Variants in GUCY2C observed in about 807,000 individuals in gnomAD.
The protein encoded by GUCY2C is guanylyl cyclase C.
A neutral mutation model predicts 131.1 loss-of-function variants in GUCY2C; 118 were observed. The ratio of observed to expected loss-of-function variants is 0.90; its 90% CI spans 0.78 to 1.05. The LOEUF (loss-of-function observed/expected upper bound fraction) is 1.05, where lower values mean the gene tolerates loss of function less well. Among genes scored for constraint, GUCY2C ranks in the 50% least tolerant of loss-of-function variants. The pLI, the probability that GUCY2C is intolerant of heterozygous loss-of-function variation, is 0.00. For missense variants in GUCY2C, 1,161 were observed against 1,304.4 expected (o/e 0.89, Z 1.69); for synonymous variants, 452 against 457.8 (o/e 0.99, Z 0.16).
chr12:14,674,726 C>A lies in GUCY2C; in HGVS notation c.983G>T (p.Gly328Val). ...KRDFALAYLN[G>V]ILLFGHMLKI... is the part of the protein sequence containing the mutation. Reference sequence around the variant, plus strand: ...CAGCATATGTCCAAAGAGCAGGATTCCATTCAAATAGGCAAGAGCAAAGTC... The same window carrying A: ...CAGCATATGTCCAAAGAGCAGGATTACATTCAAATAGGCAAGAGCAAAGTC... The change falls in exon 8 of 27, where the codon GGA becomes GTA. Residue 328 changes from glycine (G) to valine (V), a missense_variant. Gly to Val is a moderately radical substitution (Grantham distance 109). Coordinates refer to ENST00000261170, the MANE Select transcript of GUCY2C (RefSeq NM_004963.4). The A allele has an allele frequency of 6.2e-7, 1 of 1,611,386 alleles. No homozygotes were observed. The highest frequency in any genetic ancestry group is 8.5e-7 in the Non-Finnish European group (1 of 1,178,048).
chr12:14,625,783 G>C lies in GUCY2C; in HGVS notation c.2382C>G (p.Asp794Glu). The C allele has an allele frequency of 6.2e-7, 1 of 1,614,068 alleles. No homozygotes were observed. Among genetic ancestry groups the C allele is most frequent in the Non-Finnish European group, 8.5e-7 (1 of 1,179,926 alleles). The stretch of plus-strand genomic sequence containing the variant: ...TTGGAAGCAACATAAAGTTAAGTCT[G>C]TCAGCCCTGTCCCTCTCTGCCTTGT... ...QLYKAERDRA[D>E]RLNFMLLPRL... The change falls in exon 21 of 27, where the codon GAC becomes GAG. Residue 794 changes from aspartate (D) to glutamate (E), a missense_variant. Physicochemically the swap from Asp to Glu is conservative, Grantham distance 45 (BLOSUM62 2). Coordinates refer to ENST00000261170, the MANE Select transcript of GUCY2C (RefSeq NM_004963.4).
At chr12:14,629,208 A>G (rs1338671253) in intron 19 of GUCY2C, among the ~76,000 whole-genome samples, 1 of 152,174 alleles carries the variant, frequency 6.6e-6, no homozygotes. Context: ...ACATGACAAA[A>G]TAACGAAGGA....
In GUCY2C at chr12:14,612,899, C is replaced by T. The variant is rs1375091447; in HGVS notation, c.*218G>A. Reference sequence around the variant, plus strand: ...TCCAGGTAGAAGCTCCCTGGAACAACTGCTGGAATAAGGTTCCAGAGTGGA... The same window carrying T: ...TCCAGGTAGAAGCTCCCTGGAACAATTGCTGGAATAAGGTTCCAGAGTGGA... On this transcript the variant is annotated 3_prime_UTR_variant, in exon 27 of 27. Transcript: ENST00000261170. 2.2e-6 allele frequency: 1 copy of T among 457,726 alleles called. No individual in the cohort carries two copies. The highest frequency in any genetic ancestry group is 5.5e-5 in the South Asian group (1 of 18,268). 28.4% of individuals were successfully genotyped at this position (457,726 alleles called of 1,614,324 possible). A position where few individuals can be genotyped will look rare whatever the true frequency, so the allele number is the denominator to read the frequency against.
chr12:14,655,472 T>C (rs1017981910), intron 12 of GUCY2C, among the ~76,000 whole-genome samples: 1 of 152,130 alleles, frequency 6.6e-6, no homozygotes. Flanking sequence ...CATGAGGGGA[T>C]TGGAGCCATT....
intron 21 of GUCY2C, among the ~76,000 whole-genome samples, chr12:14,623,487 GACATGCC>G (rs1946937619): frequency 1.3e-5 from 2 of 152,228 alleles, no homozygotes; most frequent in African/African-American, 4.8e-5. Flanking sequence ...GGTTGTTCTT[GACATGCC>G]CTGTATAAAG....
In GUCY2C at chr12:14,656,515, G is replaced by A; in HGVS notation, c.1467C>T (p.Leu489=). 3.3e-6 allele frequency: 5 copies of A among 1,530,974 alleles called. No individual in the cohort carries two copies. Among genetic ancestry groups the A allele is most frequent in the Non-Finnish European group, 4.5e-6 (5 of 1,105,078 alleles). 94.8% of individuals were successfully genotyped at this position (1,530,974 alleles called of 1,614,324 possible). A position where few individuals can be genotyped will look rare whatever the true frequency, so the allele number is the denominator to read the frequency against. Residue 489 remains leucine, a synonymous_variant, in exon 12 of 27, where the codon CTC becomes CTT. Transcript: ENST00000261170. ...CAACAGGTAAGGTAGGCTTTACCTTGAGGCTAACATGATTGGTCTCATTGG... is the reference window on the plus strand; with the variant it reads ...CAACAGGTAAGGTAGGCTTTACCTTAAGGCTAACATGATTGGTCTCATTGG... The part of the protein sequence containing the change: ...LETNETNHVS[L]KIDDDKRRDT...
rs763419475 is a variant in GUCY2C, at chr12:14,619,283, T to G, written c.2803A>C (p.Ile935Leu). The G allele has an allele frequency of 6.2e-7, 1 of 1,612,150 alleles. No homozygotes were observed. The highest frequency in any genetic ancestry group is 8.5e-7 in the Non-Finnish European group (1 of 1,178,266). ...SGPCAAGVVG[I>L]KMPRYCLFGD... ...AATAGACAATAACGAGGCATCTTGA[T>G]TCCCACAACTCCAGCAGCACAGGGA... Residue 935 changes from isoleucine (I) to leucine (L), a missense_variant, in exon 24 of 27, where the codon ATC becomes CTC. Ile to Leu is a conservative substitution (Grantham distance 5). Coordinates refer to ENST00000261170, the MANE Select transcript of GUCY2C (RefSeq NM_004963.4).
At chr12:14,651,349 A>G (rs1181286658) in intron 15 of GUCY2C, 58 bp downstream of exon 15, 1 of 855,694 alleles carries the variant, frequency 1.2e-6, no homozygotes, top group Non-Finnish European at 2.0e-6. Context: ...AATATTTTAA[A>G]AGGCCTGCTG....
At chr12:14,623,626 C>A (rs1202482839) in intron 21 of GUCY2C, among the ~76,000 whole-genome samples, 1 of 152,194 alleles carries the variant, frequency 6.6e-6, no homozygotes, top group East Asian at 1.9e-4. Flanking sequence ...GGTTTGGCTC[C>A]GTGTCCCCAC....
At chr12:14,670,524 G>A (rs544847936) in intron 9 of GUCY2C, among the ~76,000 whole-genome samples, 148 of 152,140 alleles carry the variant, frequency 9.7e-4, no homozygotes, top group South Asian at 4.1e-4. Flanking sequence ...GACTGATATG[G>A]TTTGGCTGTG....
rs1367649981 is a variant in GUCY2C, at chr12:14,639,852, A to G, written c.2157+10T>C. On this transcript the variant is annotated intron_variant, in intron 19 of 26. Coordinates refer to ENST00000261170, the MANE Select transcript of GUCY2C (RefSeq NM_004963.4). Reference sequence around the variant, plus strand: ...AGGCCAAGGAAATGAATACGGGAAGATATACTCACTTCTAGCTCTTTTTCC... The same window carrying G: ...AGGCCAAGGAAATGAATACGGGAAGGTATACTCACTTCTAGCTCTTTTTCC... 4 of 1,478,266 alleles carry G rather than the reference A, an allele frequency of 2.7e-6. No individual in the cohort carries two copies. Among genetic ancestry groups the G allele is most frequent in the African/African-American group, 1.4e-5 (1 of 72,244 alleles). 91.6% of individuals were successfully genotyped at this position (1,478,266 alleles called of 1,614,324 possible).
At chr12:14,618,798 C>T (rs1158943442) in intron 24 of GUCY2C, among the ~76,000 whole-genome samples, 2 of 151,952 alleles carry the variant, frequency 1.3e-5, no homozygotes, top group African/African-American at 4.8e-5. Context: ...GAGAGCCTGT[C>T]TCTAAAAAAC....
intron 21 of GUCY2C, among the ~76,000 whole-genome samples, chr12:14,624,336 G>A (rs961017452): frequency 9.9e-5 from 15 of 152,152 alleles, no homozygotes; most frequent in Admixed American, 7.2e-4. Flanking sequence ...AGCTACTTGG[G>A]AGGCTGAGGC....
chr12:14,678,586 G>A (rs192082712), intron 6 of GUCY2C, among the ~76,000 whole-genome samples: 96 of 152,276 alleles, frequency 6.3e-4, no homozygotes, highest in Admixed American at 1.7e-3. Context: ...CTTCATGAAC[G>A]TGTAGCCATC....
intron 13 of GUCY2C, among the ~76,000 whole-genome samples, chr12:14,652,599 A>G (rs1202409541): frequency 6.6e-6 from 1 of 152,248 alleles, no homozygotes; most frequent in African/African-American, 2.4e-5. Context: ...AGAAAGAAGG[A>G]TGGAAATAAG....
intron 13 of GUCY2C, 21 bp downstream of exon 13, chr12:14,652,931 C>T: frequency 6.5e-7 from 1 of 1,549,632 alleles, no homozygotes; most frequent in Admixed American, 1.7e-5. Context: ...GTGGAGAGTT[C>T]AGAGAAGTGG....
chr12:14,625,570 T>C (rs1402358322), intron 21 of GUCY2C, among the ~76,000 whole-genome samples, 187 bp downstream of exon 21: 1 of 152,096 alleles, frequency 6.6e-6, no homozygotes, highest in Non-Finnish European at 1.5e-5. Flanking sequence ...CCTGACCTCA[T>C]GATCCACCTG....
Position 14,673,897 on chromosome 12 carries a change from C to T in GUCY2C, c.1084+728G>A, listed in dbSNP as rs190452130. Among the ~76,000 whole-genome samples, 4 of 152,284 alleles carry T rather than the reference C, an allele frequency of 2.6e-5. No homozygotes were observed. The East Asian group carries it at 7.7e-4, about 29-fold the overall frequency. On this transcript the variant is annotated intron_variant, in intron 8 of 26. Transcript: ENST00000261170. ...GTGATCTCTTCCTGCCATTGTCATA[C>T]ACCATAGCCCCTGGTGCAGCCCTCA...
At chr12:14,679,066 T>C (rs1948293945) in intron 6 of GUCY2C, among the ~76,000 whole-genome samples, 1 of 152,102 alleles carries the variant, frequency 6.6e-6, no homozygotes, top group Admixed American at 6.6e-5. Flanking sequence ...TCAGAGGTGG[T>C]TGAAGGAAAA....
Sources: allele counts gnomAD v4.1 joint callset (sites outside exome capture counted in the v4.1 genomes callset), GRCh38; gene constraint gnomAD v4.1.1; transcripts MANE v1.5; gene names NCBI Gene and HGNC (gene_info 2026-07-23, HGNC 2026-07-21).